Variants in RALGAPA2 observed in about 807,000 individuals in gnomAD.
The protein encoded by RALGAPA2 is ral GTPase-activating protein subunit alpha-2.
A neutral mutation model predicts 230.4 loss-of-function variants in RALGAPA2; 139 were observed. The observed-to-expected ratio is 0.60, with a 90% CI of 0.53 to 0.69. The LOEUF is 0.69. Among genes scored for constraint, RALGAPA2 ranks in the 30% least tolerant of loss-of-function variants. The pLI is 0.00. For missense variants in RALGAPA2, 2,163 were observed against 2,276.0 expected (o/e 0.95, Z 1.01); for synonymous variants, 847 against 837.8 (o/e 1.01, Z -0.19).
chr20:20,667,736 T>C (rs966050962), intron 3 of RALGAPA2, among the ~76,000 whole-genome samples: 5 of 152,188 alleles, frequency 3.3e-5, no homozygotes, highest in African/African-American at 1.2e-4. Flanking sequence ...TGAAACTGTT[T>C]TCTTTATCTT....
chr20:20,601,261 A>C (rs1335032253), intron 16 of RALGAPA2, among the ~76,000 whole-genome samples: 1 of 152,232 alleles, frequency 6.6e-6, no homozygotes, highest in East Asian at 1.9e-4. Context: ...TTTCCAAAGG[A>C]GCAAAAAATG....
In RALGAPA2 at chr20:20,430,918, A is replaced by G. The variant is rs184124672; in HGVS notation, c.5496-18770T>C. Among the ~76,000 whole-genome samples, 275 of 152,204 alleles carry G rather than the reference A, an allele frequency of 1.8e-3. 1 individual carries two copies. Among genetic ancestry groups the G allele is most frequent in the Admixed American group, 3.0e-3 (46 of 15,282 alleles). ...TTTTGTGAGTTCATGGAGGACATAAAGACGTTAACTCATGGTCCCTATCGT... is the reference window on the plus strand; with the variant it reads ...TTTTGTGAGTTCATGGAGGACATAAGGACGTTAACTCATGGTCCCTATCGT... On this transcript the variant is annotated intron_variant, in intron 37 of 39. Coordinates refer to ENST00000202677, the MANE Select transcript of RALGAPA2 (RefSeq NM_020343.4).
At chr20:20,517,804 G>GA (rs1206565205) in intron 31 of RALGAPA2, among the ~76,000 whole-genome samples, 1 of 147,812 alleles carries the variant, frequency 6.8e-6, no homozygotes, top group Non-Finnish European at 1.5e-5. Context: ...TGAAGAGGGG[G>GA]AAAAAAGAAA....
intron 35 of RALGAPA2, among the ~76,000 whole-genome samples, chr20:20,499,821 A>G (rs536674074): frequency 6.6e-6 from 1 of 152,322 alleles, no homozygotes; most frequent in South Asian, 2.1e-4. Flanking sequence ...TTGAGTTCTG[A>G]TGTTTCACAT....
intron 1 of RALGAPA2, among the ~76,000 whole-genome samples, chr20:20,709,296 G>T (rs925821361): frequency 2.6e-5 from 4 of 151,756 alleles, no homozygotes; most frequent in South Asian, 2.1e-4. Context: ...TCCAGCGTGG[G>T]TAACAGAGTG....
chr20:20,592,758 G>C (rs904569710), intron 16 of RALGAPA2, among the ~76,000 whole-genome samples: 1 of 152,068 alleles, frequency 6.6e-6, no homozygotes, highest in African/African-American at 2.4e-5. Context: ...GCAAACTGAT[G>C]GCTCACCTTA....
intron 1 of RALGAPA2, among the ~76,000 whole-genome samples, chr20:20,686,131 G>T (rs2068690838): frequency 6.6e-6 from 1 of 152,168 alleles, no homozygotes; most frequent in African/African-American, 2.4e-5. Flanking sequence ...CATCTAGCTG[G>T]AAGGCAACAG....
At chr20:20,512,264 C>T (rs1273123885) in intron 32 of RALGAPA2, among the ~76,000 whole-genome samples, 1 of 151,978 alleles carries the variant, frequency 6.6e-6, no homozygotes, top group East Asian at 1.9e-4. Flanking sequence ...CACACACACA[C>T]ACACAAATGT....
At chr20:20,536,886 A>G in intron 24 of RALGAPA2, 102 bp from the exon 25 acceptor site, 2 of 1,324,216 alleles carry the variant, frequency 1.5e-6, no homozygotes, top group Non-Finnish European at 2.0e-6. Flanking sequence ...AAAATACCAA[A>G]CTTGGCCGAG....
intron 37 of RALGAPA2, among the ~76,000 whole-genome samples, chr20:20,445,279 T>C (rs190666579): frequency 9.2e-5 from 14 of 152,194 alleles, no homozygotes; most frequent in African/African-American, 2.9e-4. Context: ...GACTATTCCA[T>C]AAGTGCCTGA....
At chr20:20,673,914 G>A (rs1391542529) in intron 3 of RALGAPA2, among the ~76,000 whole-genome samples, 1 of 152,134 alleles carries the variant, frequency 6.6e-6, no homozygotes, top group Non-Finnish European at 1.5e-5. Context: ...CAGGCTGGGT[G>A]CAGTGCCTCA....
chr20:20,639,660 A>T, intron 7 of RALGAPA2, 125 bp downstream of exon 7: 1 of 686,194 alleles, frequency 1.5e-6, no homozygotes, highest in Non-Finnish European at 2.4e-6. Context: ...CTGAAATATC[A>T]CATAAAATCA....
chr20:20,565,525 A>G (rs1008826477), intron 23 of RALGAPA2, among the ~76,000 whole-genome samples: 3 of 152,164 alleles, frequency 2.0e-5, no homozygotes, highest in Non-Finnish European at 2.9e-5. Flanking sequence ...GTTTATTATT[A>G]TATTATTCCA....
intron 37 of RALGAPA2, chr20:20,472,512 G>C (rs1006226612): frequency 1.1e-5 from 2 of 174,318 alleles, no homozygotes; most frequent in African/African-American, 4.8e-5. Context: ...CAAATAAGAG[G>C]GATACAGGAT....
chr20:20,620,590 T>C lies in RALGAPA2; in HGVS notation c.1274A>G (p.Lys425Arg), dbSNP rs1289663480. The C allele has an allele frequency of 1.2e-6, 2 of 1,613,406 alleles. No individual in the cohort carries two copies. Among genetic ancestry groups the C allele is most frequent in the Non-Finnish European group, 1.7e-6 (2 of 1,179,678 alleles). The change falls in exon 11 of 40, where the codon AAA becomes AGA. Residue 425 changes from lysine (K) to arginine (R), a missense_variant. Transcript: ENST00000202677. Reference sequence around the variant, plus strand: ...CCACTTTCTGTACACTTGAACTACTTTTCTTGTTACAGCTATCTCACAGGA... The same window carrying C: ...CCACTTTCTGTACACTTGAACTACTCTTCTTGTTACAGCTATCTCACAGGA... ...LPSCEIAVTR[K>R]VVQVYRKWIL... is the part of the protein sequence containing the mutation.
intron 1 of RALGAPA2, among the ~76,000 whole-genome samples, chr20:20,701,510 G>A (rs528701361): frequency 2.0e-5 from 3 of 152,228 alleles, no homozygotes; most frequent in African/African-American, 4.8e-5. Flanking sequence ...AGGCCAAGGC[G>A]GGCAGATCAC....
rs2059570765 is a variant in RALGAPA2, at chr20:20,389,583, T to C, written c.*3706A>G. 1 of 152,252 alleles carries C rather than the reference T, an allele frequency of 6.6e-6. No homozygotes were observed. Among genetic ancestry groups the C allele is most frequent in the African/African-American group, 2.4e-5 (1 of 41,458 alleles). The allele number at this position is 152,252 out of a possible 1,614,324, so 9.4% of individuals were successfully genotyped here. A position where few individuals can be genotyped will look rare whatever the true frequency, so the allele number is the denominator to read the frequency against. ...TTAGATGCCAGGGTGAACTTTATTTTCTTATAAACTATAATGAGAATGAGA... is the reference window on the plus strand; with the variant it reads ...TTAGATGCCAGGGTGAACTTTATTTCCTTATAAACTATAATGAGAATGAGA... On this transcript the variant is annotated 3_prime_UTR_variant, in exon 40 of 40. Coordinates refer to ENST00000202677, the MANE Select transcript of RALGAPA2 (RefSeq NM_020343.4).
intron 37 of RALGAPA2, among the ~76,000 whole-genome samples, chr20:20,462,303 A>G (rs890620233): frequency 1.3e-5 from 2 of 152,220 alleles, no homozygotes; most frequent in Non-Finnish European, 2.9e-5. Context: ...CCTACTAGAA[A>G]CGAAAGCAGC....
chr20:20,412,064 G>C lies in RALGAPA2; in HGVS notation c.5580C>G (p.Val1860=), dbSNP rs761464832. ...GGGAGTAGCTGGGAGAGGGAGAAAA[G>C]ACTTGGGCTGCGAAATCCTCGAATG... The part of the protein sequence containing the change: ...VMTFEDFAAQ[V]FSPSPSYSLS... The change falls in exon 38 of 40, where the codon GTC becomes GTG. Residue 1860 remains valine, a synonymous_variant. Transcript: ENST00000202677. 6.2e-7 allele frequency: 1 copy of C among 1,613,882 alleles called. No individual in the cohort carries two copies. Among genetic ancestry groups the C allele is most frequent in the Non-Finnish European group, 8.5e-7 (1 of 1,179,886 alleles).
Sources: allele counts gnomAD v4.1 joint callset (sites outside exome capture counted in the v4.1 genomes callset), GRCh38; gene constraint gnomAD v4.1.1; transcripts MANE v1.5; gene names NCBI Gene and HGNC (gene_info 2026-07-23, HGNC 2026-07-21).